The following RNF170 variants were observed in gnomAD, a reference collection of about 807,000 sequenced individuals.
The protein encoded by RNF170 is E3 ubiquitin-protein ligase RNF170.
RNF170 carries 12 observed loss-of-function variants against 32.7 expected under a neutral mutation model. The observed-to-expected ratio is 0.37, with a 90% CI of 0.24 to 0.60. The LOEUF (loss-of-function observed/expected upper bound fraction) is 0.60. Ranked by LOEUF, RNF170 falls within the 20% of genes least tolerant of loss-of-function variation. RNF170 has a pLI of 0.72. For synonymous variants in RNF170, 91 were observed against 103.6 expected (o/e 0.88, Z 0.74); for missense variants, 212 against 311.2 (o/e 0.68, Z 2.40).
At chr8:42,867,037 C>T (rs1347066933) in intron 4 of RNF170, among the ~76,000 whole-genome samples, 1 of 152,190 alleles carries the variant, frequency 6.6e-6, no homozygotes, top group Non-Finnish European at 1.5e-5. Context: ...CCTGGCTTAG[C>T]CCTCATGTGT....
At chr8:42,881,934 C>T (rs931625776) in intron 2 of RNF170, among the ~76,000 whole-genome samples, 3 of 152,096 alleles carry the variant, frequency 2.0e-5, no homozygotes, top group Non-Finnish European at 4.4e-5. Flanking sequence ...GACCCTATCT[C>T]AAAAAGAAAC....
At chr8:42,882,642 T>C (rs1202584943) in intron 2 of RNF170, among the ~76,000 whole-genome samples, 1 of 152,244 alleles carries the variant, frequency 6.6e-6, no homozygotes, top group African/African-American at 2.4e-5. Flanking sequence ...TGTATGATTC[T>C]ACTTTATGAG....
intron 1 of RNF170, among the ~76,000 whole-genome samples, chr8:42,893,126 G>A (rs1270187304): frequency 1.3e-5 from 2 of 152,136 alleles, no homozygotes; most frequent in African/African-American, 2.4e-5. Flanking sequence ...CTTTCAGTCA[G>A]GAATCATATC....
chr8:42,871,050 A>G (rs1804484927), intron 3 of RNF170, among the ~76,000 whole-genome samples: 1 of 151,828 alleles, frequency 6.6e-6, no homozygotes, highest in Non-Finnish European at 1.5e-5. Flanking sequence ...CTCTACCACA[A>G]AATACAAAAA....
chr8:42,873,146 C>T (rs866882803), intron 3 of RNF170, among the ~76,000 whole-genome samples: 16 of 151,816 alleles, frequency 1.1e-4, no homozygotes, highest in South Asian at 4.2e-4. Flanking sequence ...TCTCCCGCCT[C>T]GGCCTCCCAA....
At chr8:42,870,198 G>C in intron 3 of RNF170, 86 bp from the exon 4 acceptor site, 1 of 912,034 alleles carries the variant, frequency 1.1e-6, no homozygotes, top group Non-Finnish European at 1.8e-6. Flanking sequence ...TGAGAACAGA[G>C]TCAGCAGTGT....
At chr8:42,871,229 CAT>C (rs1420539357) in intron 3 of RNF170, among the ~76,000 whole-genome samples, 5 of 151,762 alleles carry the variant, frequency 3.3e-5, no homozygotes, top group African/African-American at 1.2e-4. Context: ...GTCTACATAA[CAT>C]ATATTTTATG....
At chr8:42,865,909 C>T (rs1236508482) in intron 4 of RNF170, among the ~76,000 whole-genome samples, 5 of 151,734 alleles carry the variant, frequency 3.3e-5, no homozygotes, top group Non-Finnish European at 7.4e-5. Context: ...CACTTGAACC[C>T]GGGAGGTGGA....
In RNF170 at chr8:42,853,728, C is replaced by A. The variant is rs1454013707; in HGVS notation, c.*2431G>T. On this transcript the variant is annotated 3_prime_UTR_variant, in exon 7 of 7. Coordinates refer to ENST00000527424, the MANE Select transcript of RNF170 (RefSeq NM_030954.4). The stretch of plus-strand genomic sequence containing the variant: ...CTACTTGCTTTAAAAACTCTCAGAT[C>A]CCTTCTGCATTTATCATCAGAGATC... 7.8e-7 allele frequency: 1 copy of A among 1,287,174 alleles called. No homozygotes were observed. Among genetic ancestry groups the A allele is most frequent in the Non-Finnish European group, 1.0e-6 (1 of 988,670 alleles). 79.7% of individuals were successfully genotyped at this position (1,287,174 alleles called of 1,614,324 possible).
At chr8:42,871,575 C>CTTTT (rs879900479) in intron 3 of RNF170, among the ~76,000 whole-genome samples, 2 of 145,548 alleles carry the variant, frequency 1.4e-5, no homozygotes, top group Admixed American at 6.9e-5. Context: ...CCCTTCTCTA[C>CTTTT]TTTTTTTTTT....
chr8:42,874,984 C>T (rs1430890267), intron 2 of RNF170, among the ~76,000 whole-genome samples: 2 of 151,868 alleles, frequency 1.3e-5, no homozygotes, highest in Admixed American at 6.6e-5. Flanking sequence ...CCAGCCTGAC[C>T]AACATGGAGA....
rs746541656 is a variant in RNF170, at chr8:42,853,718, ACT to A, written c.*2439_*2440del. On this transcript the variant is annotated 3_prime_UTR_variant, in exon 7 of 7. Coordinates refer to ENST00000527424, the MANE Select transcript of RNF170 (RefSeq NM_030954.4). ...CTGATTGACTCTACTTGCTTTAAAA[ACT>A]CTCAGATCCCTTCTGCATTTATCAT... The A allele has an allele frequency of 5.5e-4, 704 of 1,286,692 alleles. 1 individual carries two copies. Among genetic ancestry groups the A allele is most frequent in the South Asian group, 6.6e-4 (53 of 80,914 alleles). The allele number at this position is 1,286,692 out of a possible 1,614,324, so 79.7% of individuals were successfully genotyped here. A position where few individuals can be genotyped will look rare whatever the true frequency, so the allele number is the denominator to read the frequency against.
downstream of RNF170, chr8:42,850,862 G>T (rs980609691): frequency 6.4e-7 from 1 of 1,551,530 alleles, no homozygotes; most frequent in African/African-American, 1.4e-5. Flanking sequence ...GCTGAAGGGA[G>T]CATTCGGTCA....
intron 2 of RNF170, among the ~76,000 whole-genome samples, chr8:42,877,333 A>G (rs1300945242): frequency 6.6e-6 from 1 of 151,802 alleles, no homozygotes; most frequent in Non-Finnish European, 1.5e-5. Context: ...ATTTCCAGCT[A>G]ATTTTTATAT....
chr8:42,896,239 C>T (rs1806841078), intron 1 of RNF170: 1 of 324,016 alleles, frequency 3.1e-6, no homozygotes, highest in Non-Finnish European at 6.0e-6. Context: ...GTGTCCTCGC[C>T]GCCGCCAAAC....
chr8:42,870,740 A>C (rs146471292), intron 3 of RNF170, among the ~76,000 whole-genome samples: 1 of 152,220 alleles, frequency 6.6e-6, no homozygotes, highest in African/African-American at 2.4e-5. Flanking sequence ...AAAAGAAAAA[A>C]ATATCAAATG....
intron 2 of RNF170, among the ~76,000 whole-genome samples, chr8:42,876,754 G>T (rs1273417154): frequency 6.6e-6 from 1 of 150,736 alleles, no homozygotes; most frequent in Non-Finnish European, 1.5e-5. Context: ...CTGCCTCCTG[G>T]GTTCTAGTGA....
upstream of RNF170, chr8:42,896,856 G>T (rs904637962): frequency 1.9e-4 from 54 of 281,118 alleles, no homozygotes; most frequent in African/African-American, 9.6e-4. Flanking sequence ...GGCGGCGCTG[G>T]GGAGGAGCGG....
chr8:42,891,811 G>A (rs1356613961), intron 1 of RNF170, among the ~76,000 whole-genome samples: 1 of 152,004 alleles, frequency 6.6e-6, no homozygotes, highest in African/African-American at 2.4e-5. Context: ...TCAGAGTTTC[G>A]GAATAGAGAA....
Sources: allele counts gnomAD v4.1 joint callset (sites outside exome capture counted in the v4.1 genomes callset), GRCh38; gene constraint gnomAD v4.1.1; transcripts MANE v1.5; gene names NCBI Gene and HGNC (gene_info 2026-07-23, HGNC 2026-07-21).